DLGAP1: variants seen among roughly 807,000 people sequenced by gnomAD.
DLGAP1 encodes disks large-associated protein 1.
A neutral mutation model predicts 90.8 loss-of-function variants in DLGAP1; 11 were observed. The observed-to-expected ratio is 0.12, with a 90% confidence interval of 0.08 to 0.20. DLGAP1 has a LOEUF of 0.20. Ranked by LOEUF, DLGAP1 falls within the 10% of genes least tolerant of loss-of-function variation. DLGAP1 has a pLI of 1.00. For synonymous variants in DLGAP1, 558 were observed against 540.7 expected (o/e 1.03, Z -0.44); for missense variants, 1,050 against 1,333.8 (o/e 0.79, Z 3.31).
At chr18:4,151,752 C>T (rs1030897917) in intron 1 of DLGAP1, among the ~76,000 whole-genome samples, 19 of 152,020 alleles carry the variant, frequency 1.2e-4, no homozygotes, top group Non-Finnish European at 1.6e-4. Flanking sequence ...TGGAAAAAAG[C>T]CACAGGAGGA....
At chr18:4,345,901 T>C (rs146954372) in intron 1 of DLGAP1, among the ~76,000 whole-genome samples, 1 of 152,332 alleles carries the variant, frequency 6.6e-6, no homozygotes, top group East Asian at 1.9e-4. Flanking sequence ...ACAGTGTTAG[T>C]GAGACAAGTG....
At chr18:3,799,389 C>T (rs551069196) in intron 5 of DLGAP1, among the ~76,000 whole-genome samples, 2 of 151,956 alleles carry the variant, frequency 1.3e-5, no homozygotes, top group Admixed American at 6.6e-5. Flanking sequence ...GTCCCTTCTG[C>T]GGGGGTTTCT....
intron 1 of DLGAP1, among the ~76,000 whole-genome samples, chr18:4,390,923 C>T (rs1208641034): frequency 1.3e-5 from 2 of 152,164 alleles, no homozygotes; most frequent in Non-Finnish European, 2.9e-5. Context: ...TCCTCTTGGG[C>T]CTGCTCCATC....
At chr18:3,870,605 CATCT>C (rs67573915) in intron 4 of DLGAP1, among the ~76,000 whole-genome samples, 17,817 of 148,144 alleles carry the variant, frequency 0.12, 1,044 homozygotes, top group East Asian at 0.17. Context: ...TACATAAATA[CATCT>C]ATCTATCTAT....
intron 2 of DLGAP1, among the ~76,000 whole-genome samples, chr18:4,122,096 G>T (rs530384173): frequency 3.2e-4 from 49 of 152,240 alleles, no homozygotes; most frequent in African/African-American, 1.1e-3. Context: ...GGCTAGACAA[G>T]GGCTCTATCA....
chr18:4,006,217 G>C, intron 2 of DLGAP1, among the ~76,000 whole-genome samples: 1 of 152,152 alleles, frequency 6.6e-6, no homozygotes, highest in Non-Finnish European at 1.5e-5. Context: ...AGGGAAAATA[G>C]CAACTATGGG....
intron 4 of DLGAP1, chr18:3,845,326 T>C: frequency 6.3e-7 from 1 of 1,589,618 alleles, no homozygotes; most frequent in Non-Finnish European, 8.6e-7. Context: ...CTGAGAGCAT[T>C]TAGCTTCTCT....
chr18:4,092,198 T>C (rs1182941143), intron 2 of DLGAP1, among the ~76,000 whole-genome samples: 2 of 152,182 alleles, frequency 1.3e-5, no homozygotes, highest in African/African-American at 4.8e-5. Context: ...CACCCTCAGC[T>C]TTCTGCTTTC....
At chr18:3,584,815 G>A (rs565755630) in intron 7 of DLGAP1, among the ~76,000 whole-genome samples, 22 of 152,242 alleles carry the variant, frequency 1.4e-4, no homozygotes, top group East Asian at 1.9e-4. Flanking sequence ...GCAGTGGCAC[G>A]ATCATGGCTC....
intron 1 of DLGAP1, among the ~76,000 whole-genome samples, chr18:4,277,952 C>A (rs990114276): frequency 6.6e-6 from 1 of 152,048 alleles, no homozygotes; most frequent in Admixed American, 6.5e-5. Flanking sequence ...GTTGAGCAGT[C>A]CTTTACTTAG....
chr18:4,132,216 A>G (rs997609111), intron 2 of DLGAP1, among the ~76,000 whole-genome samples: 1 of 152,168 alleles, frequency 6.6e-6, no homozygotes, highest in African/African-American at 2.4e-5. Flanking sequence ...CTTTTCACTG[A>G]AATGATTCAA....
intron 1 of DLGAP1, among the ~76,000 whole-genome samples, chr18:4,214,528 G>T (rs1471343578): frequency 2.0e-5 from 3 of 152,146 alleles, no homozygotes; most frequent in Admixed American, 6.5e-5. Flanking sequence ...TGGGGTGGAG[G>T]CAGAGGGTAC....
intron 5 of DLGAP1, among the ~76,000 whole-genome samples, chr18:3,761,248 C>T (rs2063949565): frequency 6.6e-6 from 1 of 152,168 alleles, no homozygotes; most frequent in African/African-American, 2.4e-5. Flanking sequence ...CCCCGTTTCC[C>T]TCCCTCCCCC....
intron 5 of DLGAP1, among the ~76,000 whole-genome samples, chr18:3,799,774 A>G (rs1203179078): frequency 6.6e-6 from 1 of 152,082 alleles, no homozygotes; most frequent in Non-Finnish European, 1.5e-5. Flanking sequence ...AAACAAAACA[A>G]AACACCTATA....
intron 2 of DLGAP1, among the ~76,000 whole-genome samples, chr18:4,018,958 G>A (rs189835423): frequency 1.6e-3 from 246 of 152,306 alleles, no homozygotes; most frequent in African/African-American, 5.2e-3. Context: ...AAAAACTCAA[G>A]GCTTTAAAAA....
At chr18:3,690,094 G>GTTTTTT (rs77999372) in intron 7 of DLGAP1, among the ~76,000 whole-genome samples, 15 of 116,894 alleles carry the variant, frequency 1.3e-4, no homozygotes, top group Non-Finnish European at 1.9e-4. Context: ...GCTGGGTGAG[G>GTTTTTT]TTTTTTTTTT....
At chr18:4,150,063 T>C (rs1030452437) in intron 2 of DLGAP1, among the ~76,000 whole-genome samples, 4 of 152,190 alleles carry the variant, frequency 2.6e-5, no homozygotes, top group African/African-American at 4.8e-5. Context: ...CAAGTTCCCA[T>C]TGCCTGCAGT....
chr18:4,006,808 G>A (rs1412201110), intron 2 of DLGAP1, among the ~76,000 whole-genome samples: 1 of 151,932 alleles, frequency 6.6e-6, no homozygotes, highest in Non-Finnish European at 1.5e-5. Flanking sequence ...ACCATACCTG[G>A]CTAATTTAAA....
intron 9 of DLGAP1, among the ~76,000 whole-genome samples, chr18:3,559,294 C>T (rs1356856307): frequency 7.9e-5 from 12 of 152,126 alleles, no homozygotes; most frequent in Non-Finnish European, 1.2e-4. Context: ...ATATTTGCTT[C>T]GGCCTCAAGG....
Sources: allele counts gnomAD v4.1 joint callset (sites outside exome capture counted in the v4.1 genomes callset), GRCh38; gene constraint gnomAD v4.1.1; transcripts MANE v1.5; gene names NCBI Gene and HGNC (gene_info 2026-07-23, HGNC 2026-07-21).